The following EVC variants were observed in gnomAD, a reference collection of about 807,000 sequenced individuals.
The protein encoded by EVC is EvC ciliary complex subunit 1, also known as evC complex member EVC.
EVC carries 116 observed loss-of-function variants against 118.9 expected under a neutral mutation model. That is an observed-to-expected ratio of 0.98 (90% CI 0.84 to 1.14). The LOEUF is 1.14. Ranked by LOEUF, EVC falls within the 50% of genes most tolerant of loss-of-function variation. The pLI is 0.00. For synonymous variants in EVC, 619 were observed against 534.7 expected (o/e 1.16, Z -2.18); for missense variants, 1,401 against 1,246.4 (o/e 1.12, Z -1.87).
In EVC at chr4:5,741,745, CCTT is replaced by C. The variant is rs781678563; in HGVS notation, c.733_735del (p.Leu245del). ...TTATTCAGATTTTTAAAATGTGCCT[CCTT>C]GACCTTCTTCCTAAAAAGAAGTCAG... On this transcript the variant is annotated inframe_deletion, in exon 6 of 21. Transcript: ENST00000264956. 6.3e-7 allele frequency: 1 copy of C among 1,574,876 alleles called. No individual in the cohort carries two copies.
At position 5,774,048 on chromosome 4, in the gene EVC, C is replaced by T. The variant is rs944875513; in HGVS notation, c.1564-9504C>T. ...TGGCCACATCCTTGCCTTTCTTGAA[C>T]CCCACCATGGTCCAGTTTGCCAGAT... On this transcript the variant is annotated intron_variant, in intron 11 of 20. Coordinates refer to ENST00000264956, the MANE Select transcript of EVC (RefSeq NM_153717.3). 6.6e-5 allele frequency among the ~76,000 whole-genome samples: 10 copies of T among 152,060 alleles called. No homozygotes were observed. The East Asian group carries it at 2.0e-3, about 30-fold the overall frequency.
Position 5,729,118 on chromosome 4 carries a change from A to G in EVC, c.301-189A>G, listed in dbSNP as rs62298652. Among the ~76,000 whole-genome samples the G allele has an allele frequency of 3.3e-3, 506 of 151,948 alleles. 2 individuals carry two copies. The highest frequency in any genetic ancestry group is 5.5e-3 in the Non-Finnish European group (376 of 67,978). On this transcript the variant is annotated intron_variant, in intron 2 of 20. Coordinates refer to ENST00000264956, the MANE Select transcript of EVC (RefSeq NM_153717.3). The stretch of plus-strand genomic sequence containing the variant: ...CACCCATCCATCCATCTATCCATCC[A>G]TCTGTTTGTCCACCCATCCATCCAT...
Position 5,756,182 on chromosome 4 carries a change from G to C in EVC, c.1465-82G>C. 2 of 1,061,206 alleles carry C rather than the reference G, an allele frequency of 1.9e-6. No homozygotes were observed. The highest frequency in any genetic ancestry group is 2.6e-5 in the East Asian group (1 of 38,900). 65.7% of individuals were successfully genotyped at this position (1,061,206 alleles called of 1,614,324 possible). A position where few individuals can be genotyped will look rare whatever the true frequency, so the allele number is the denominator to read the frequency against. The stretch of plus-strand genomic sequence containing the variant: ...ATCCTTCTTTCTAACCTGAGATGCA[G>C]GGGATGGTTGGAGAACCTTCTGGAA... On this transcript the variant is annotated intron_variant, in intron 10 of 20. Coordinates refer to ENST00000264956, the MANE Select transcript of EVC (RefSeq NM_153717.3). The surrounding 1 kb of genome is among the most constrained non-coding windows in gnomAD (Gnocchi z 4.2).
At chr4:5,748,769 C>T in intron 8 of EVC, among the ~76,000 whole-genome samples, 16 of 41,186 alleles carry the variant, frequency 3.9e-4, no homozygotes, top group Non-Finnish European at 8.3e-4. Context: ...CTCATCCATC[C>T]ATCCATCCAC....
chr4:5,816,204 G>A (rs916776160), downstream of EVC, among the ~76,000 whole-genome samples: 2 of 152,130 alleles, frequency 1.3e-5, no homozygotes, highest in African/African-American at 4.8e-5. Flanking sequence ...CCTGCCCACC[G>A]ACATAGCCTG....
the EVC span, chr4:5,826,477 C>CGGG: frequency 1.3e-5 from 2 of 152,660 alleles, no homozygotes; most frequent in Non-Finnish European, 2.9e-5. Flanking sequence ...CACCAGCCTG[C>CGGG]AGGAGGACGA....
rs555484338 is a variant in EVC at position 5,738,061 on chromosome 4, T to A, written c.703-3655T>A. 2.0e-5 allele frequency among the ~76,000 whole-genome samples: 3 copies of A among 151,648 alleles called. No individual in the cohort carries two copies. In the South Asian group the frequency reaches 6.3e-4, roughly 32 times the overall value. ...GTCAAAATATCAACATTAACAAGAG[T>A]TTGGAAGAGGTTGATTTCAATCCTC... is the stretch of plus-strand genomic sequence containing the variant. On this transcript the variant is annotated intron_variant, in intron 5 of 20. Coordinates refer to ENST00000264956, the MANE Select transcript of EVC (RefSeq NM_153717.3). The surrounding 1 kb of genome is among the most constrained non-coding windows in gnomAD (Gnocchi z 6.5).
At chr4:5,810,891 A>G in intron 20 of EVC, 62 bp from the exon 21 acceptor site, 1 of 1,432,998 alleles carries the variant, frequency 7.0e-7, no homozygotes, top group Admixed American at 1.8e-5. Flanking sequence ...TGGGTAAGTT[A>G]TGGCATCATG....
downstream of EVC, among the ~76,000 whole-genome samples, chr4:5,817,173 G>C (rs570890474): frequency 6.6e-6 from 1 of 152,326 alleles, no homozygotes; most frequent in African/African-American, 2.4e-5. Flanking sequence ...TGAAACTGGA[G>C]TCATGGAGGT....
chr4:5,730,088 A>C (rs899672682), intron 3 of EVC, among the ~76,000 whole-genome samples: 1 of 152,166 alleles, frequency 6.6e-6, no homozygotes, highest in Non-Finnish European at 1.5e-5. Flanking sequence ...TCTCAGTCCT[A>C]ACCCCATCTC....
Position 5,752,923 on chromosome 4 carries a change from C to T in EVC, c.1186C>T (p.Arg396Trp), listed in dbSNP as rs762412181. Residue 396 changes from arginine to tryptophan, a missense_variant, in exon 9 of 21, where the codon CGG becomes TGG. By Grantham distance (101) the Arg-to-Trp change is moderately radical. Transcript: ENST00000264956. Reference sequence around the variant, plus strand: ...GCAAGTCCAGGAGGAGACCAGGTGCCGGCTGGCTGCCATCTCCCACGGCCT... The same window carrying T: ...GCAAGTCCAGGAGGAGACCAGGTGCTGGCTGGCTGCCATCTCCCACGGCCT... The part of the protein sequence containing the change: ...KLQVQEETRC[R>W]LAAISHGLEL... The T allele has an allele frequency of 3.3e-5, 53 of 1,614,046 alleles. No individual in the cohort carries two copies. The highest frequency in any genetic ancestry group is 1.6e-4 in the Middle Eastern group (1 of 6,084).
chr4:5,712,603 G>A (rs2151782999), intron 1 of EVC, among the ~76,000 whole-genome samples: 1 of 152,284 alleles, frequency 6.6e-6, no homozygotes, highest in East Asian at 1.9e-4. Flanking sequence ...CCCATTTCTG[G>A]CCCGTGGGAA....
At chr4:5,801,434 T>C (rs1047990073) in intron 15 of EVC, among the ~76,000 whole-genome samples, 3 of 152,120 alleles carry the variant, frequency 2.0e-5, no homozygotes, top group Non-Finnish European at 4.4e-5. Context: ...CTCCAAGTAC[T>C]TTGGGAGGCC....
chr4:5,821,739 A>G, the EVC span: 1 of 1,589,828 alleles, frequency 6.3e-7, no homozygotes, highest in Non-Finnish European at 8.6e-7. This position sits in a 1 kb window ranked among gnomAD's most constrained non-coding sequence, Gnocchi z 4.4. Context: ...CCTTCAGGCT[A>G]GCTCCTCCGC....
intron 12 of EVC, 33 bp downstream of exon 12, chr4:5,783,797 C>G (rs1439850758): frequency 6.4e-7 from 1 of 1,567,196 alleles, no homozygotes; most frequent in South Asian, 1.2e-5. Flanking sequence ...GGGCTGGGGT[C>G]TGCATTTTAG....
At chr4:5,753,136 G>A (rs546299266) in intron 9 of EVC, 84 bp downstream of exon 9, 4 of 1,310,764 alleles carry the variant, frequency 3.1e-6, no homozygotes, top group South Asian at 2.5e-5. Flanking sequence ...CTGGCAGCCT[G>A]GGGCAGTGTG....
intron 11 of EVC, among the ~76,000 whole-genome samples, chr4:5,777,052 G>A (rs1279344540): frequency 1.3e-5 from 2 of 152,098 alleles, no homozygotes; most frequent in Non-Finnish European, 2.9e-5. Context: ...GTAGGTCTTT[G>A]ATCATGTTAC....
intron 7 of EVC, among the ~76,000 whole-genome samples, chr4:5,747,181 C>G (rs1462832828): frequency 6.6e-6 from 1 of 151,770 alleles, no homozygotes; most frequent in East Asian, 2.0e-4. Context: ...AGGCTTCCTC[C>G]TGGCAGAGCC....
intron 5 of EVC, among the ~76,000 whole-genome samples, 181 bp downstream of exon 5, chr4:5,733,616 C>T (rs1260757432): frequency 6.6e-6 from 1 of 152,130 alleles, no homozygotes. Flanking sequence ...AAGCACTTCA[C>T]GCCTGTTGGT....
Sources: allele counts gnomAD v4.1 joint callset (sites outside exome capture counted in the v4.1 genomes callset), GRCh38; gene constraint gnomAD v4.1.1; non-coding constraint Gnocchi (gnomAD v3.1); transcripts MANE v1.5; gene names NCBI Gene and HGNC (gene_info 2026-07-23, HGNC 2026-07-21).